PRKCI: variants seen among roughly 807,000 people sequenced by gnomAD.
PRKCI encodes the protein protein kinase C iota.
Under a neutral mutation model 84.0 loss-of-function variants are expected in PRKCI, and 43 were observed. The observed-to-expected ratio is 0.51, with a 90% CI of 0.40 to 0.66. The LOEUF is 0.66. PRKCI is among the 30% of genes least tolerant of loss of function. PRKCI has a pLI of 0.00. For missense variants in PRKCI, 459 were observed against 745.6 expected (o/e 0.62, Z 4.48); for synonymous variants, 216 against 234.4 (o/e 0.92, Z 0.72).
chr3:170,284,725 A>G, intron 12 of PRKCI, 129 bp downstream of exon 12: 1 of 1,122,988 alleles, frequency 8.9e-7, no homozygotes, highest in Admixed American at 3.2e-5. Context: ...GTGGAATTCT[A>G]GCACAAAGAC....
intron 8 of PRKCI, among the ~76,000 whole-genome samples, chr3:170,276,717 A>G (rs1034176987): frequency 1.3e-5 from 2 of 152,174 alleles, no homozygotes; most frequent in Non-Finnish European, 2.9e-5. Context: ...TCCTCTCGAC[A>G]TTGGCCCCGG....
chr3:170,244,973 A>G (rs1429012392), intron 2 of PRKCI: 2 of 152,230 alleles, frequency 1.3e-5, no homozygotes, highest in Non-Finnish European at 1.5e-5. Context: ...GGATCAGGGA[A>G]GGGAGATTAA....
chr3:170,244,050 C>T (rs1733208405), intron 2 of PRKCI, among the ~76,000 whole-genome samples: 1 of 152,178 alleles, frequency 6.6e-6, no homozygotes, highest in Non-Finnish European at 1.5e-5. Context: ...CCTGACAGTG[C>T]CTAAAACCCT....
rs1362249519 is a variant in PRKCI at position 170,275,257 on chromosome 3, G to A, written c.675G>A (p.Glu225=). The A allele has an allele frequency of 2.5e-6, 4 of 1,591,752 alleles. No homozygotes were observed. Among genetic ancestry groups the A allele is most frequent in the Non-Finnish European group, 3.4e-6 (4 of 1,171,752 alleles). The change falls in exon 8 of 18, where the codon GAG becomes GAA. Residue 225 remains glutamate (E), a synonymous_variant. Transcript: ENST00000295797. ...TVIPYNPSSH[E]SLDQVGEEKE... ...TTCCATATAATCCTTCAAGTCATGA[G>A]AGTTTGGATCAAGTTGGTGAAGAAA... is the stretch of plus-strand genomic sequence containing the variant.
rs549545461 is a variant in PRKCI, at chr3:170,269,301, T to C, written c.451-1120T>C. ...AAACTAATGCCATGTAATTAATTAA[T>C]GTAAATAGAAACCACCACCCGAAAT... On this transcript the variant is annotated intron_variant, in intron 5 of 17. Transcript: ENST00000295797. 3.3e-5 allele frequency among the ~76,000 whole-genome samples: 5 copies of C among 152,362 alleles called. No individual in the cohort carries two copies. In the South Asian group the frequency reaches 1.0e-3, roughly 32 times the overall value.
At chr3:170,259,676 C>G (rs1733674732) in intron 2 of PRKCI, among the ~76,000 whole-genome samples, 1 of 151,992 alleles carries the variant, frequency 6.6e-6, no homozygotes, top group Non-Finnish European at 1.5e-5. Context: ...TGTGGTGGCA[C>G]ACACCTGTAA....
intron 16 of PRKCI, 100 bp downstream of exon 16, chr3:170,297,493 C>CTA: frequency 6.1e-6 from 6 of 983,816 alleles, no homozygotes; most frequent in Non-Finnish European, 7.8e-6. Flanking sequence ...CTTGCTCTGT[C>CTA]ACCGAGGCTG....
chr3:170,222,515 A>G lies in PRKCI; in HGVS notation c.-155A>G, dbSNP rs975355715. The G allele has an allele frequency of 6.6e-6, 4 of 603,288 alleles. No homozygotes were observed. The highest frequency in any genetic ancestry group is 6.9e-5 in the East Asian group (2 of 28,886). The allele number at this position is 603,288 out of a possible 1,614,324, so 37.4% of individuals were successfully genotyped here. A position where few individuals can be genotyped will look rare whatever the true frequency, so the allele number is the denominator to read the frequency against. On this transcript the variant is annotated 5_prime_UTR_variant, in exon 1 of 18. Coordinates refer to ENST00000295797, the MANE Select transcript of PRKCI (RefSeq NM_002740.6). ...CCGCGCGGTTCCGGCTGCTCCGGCG[A>G]GGCGACCCTTGGGTCGGCGCTGCGG...
chr3:170,223,563 A>G (rs1489215595), intron 1 of PRKCI, among the ~76,000 whole-genome samples: 2 of 152,112 alleles, frequency 1.3e-5, no homozygotes, highest in African/African-American at 4.8e-5. Context: ...GTGTTAAATC[A>G]TTTTCTATCA....
At chr3:170,246,573 G>T (rs548725490) in intron 2 of PRKCI, among the ~76,000 whole-genome samples, 2 of 152,188 alleles carry the variant, frequency 1.3e-5, no homozygotes, top group African/African-American at 2.4e-5. Flanking sequence ...AGGATTACAG[G>T]CATGAGCCAC....
At chr3:170,225,824 T>C (rs1297638200) in intron 1 of PRKCI, among the ~76,000 whole-genome samples, 2 of 152,076 alleles carry the variant, frequency 1.3e-5, no homozygotes, top group East Asian at 3.8e-4. Context: ...AGTGTTATTA[T>C]TCTGTTAAGC....
At chr3:170,248,597 C>A (rs1224371070) in intron 2 of PRKCI, among the ~76,000 whole-genome samples, 2 of 152,110 alleles carry the variant, frequency 1.3e-5, no homozygotes, top group Non-Finnish European at 2.9e-5. Flanking sequence ...AAGCATTAAG[C>A]AGTTGGCCGA....
At chr3:170,275,177 T>C in intron 7 of PRKCI, 52 bp from the exon 8 acceptor site, 1 of 1,478,210 alleles carries the variant, frequency 6.8e-7, no homozygotes, top group Admixed American at 2.5e-5. Context: ...GCTGTTTTTT[T>C]CTCCTGCACC....
Position 170,297,645 on chromosome 3 carries a change from G to A in PRKCI, c.1587+252G>A, listed in dbSNP as rs141551898. Among the ~76,000 whole-genome samples the A allele has an allele frequency of 3.4e-3, 518 of 150,554 alleles. 3 individuals are homozygous for A. The highest frequency in any genetic ancestry group is 0.012 in the African/African-American group (499 of 41,062). ...TTTTGTATTTTTAGTAGAGATGGGG[G>A]GGGTTTCACAATGTCGGCCAGGCTG... is the stretch of plus-strand genomic sequence containing the variant. On this transcript the variant is annotated intron_variant, in intron 16 of 17. Coordinates refer to ENST00000295797, the MANE Select transcript of PRKCI (RefSeq NM_002740.6).
At chr3:170,234,755 A>G (rs974790497) in intron 1 of PRKCI, among the ~76,000 whole-genome samples, 1 of 152,168 alleles carries the variant, frequency 6.6e-6, no homozygotes, top group Non-Finnish European at 1.5e-5. Context: ...ATTTAAAACA[A>G]TATAATTATG....
chr3:170,286,017 C>T lies in PRKCI; in HGVS notation c.1203+1421C>T, dbSNP rs146741521. On this transcript the variant is annotated intron_variant, in intron 12 of 17. Coordinates refer to ENST00000295797, the MANE Select transcript of PRKCI (RefSeq NM_002740.6). Reference sequence around the variant, plus strand: ...TCGGCTCACTGCAACCTCCACCTCCCAGGTTCAAGCAATTCTCCTGCCTCA... The same window carrying T: ...TCGGCTCACTGCAACCTCCACCTCCTAGGTTCAAGCAATTCTCCTGCCTCA... 1.4e-3 allele frequency among the ~76,000 whole-genome samples: 210 copies of T among 151,916 alleles called. 1 individual carries two copies. The highest frequency in any genetic ancestry group is 4.9e-3 in the African/African-American group (204 of 41,432).
chr3:170,222,456 T>C lies in PRKCI; in HGVS notation c.-214T>C. 1 of 456,416 alleles carries C rather than the reference T, an allele frequency of 2.2e-6. No homozygotes were observed. The highest frequency in any genetic ancestry group is 3.8e-6 in the Non-Finnish European group (1 of 262,984). The allele number at this position is 456,416 out of a possible 1,614,324, so 28.3% of individuals were successfully genotyped here. A position where few individuals can be genotyped will look rare whatever the true frequency, so the allele number is the denominator to read the frequency against. Reference sequence around the variant, plus strand: ...GAGGTGTCTTGGGCCCGGGCGGCTGTAGAGGCGGCGGCGCCTACGGGCAGT... The same window carrying C: ...GAGGTGTCTTGGGCCCGGGCGGCTGCAGAGGCGGCGGCGCCTACGGGCAGT... On this transcript the variant is annotated 5_prime_UTR_variant, in exon 1 of 18. Coordinates refer to ENST00000295797, the MANE Select transcript of PRKCI (RefSeq NM_002740.6).
At chr3:170,293,232 C>A in intron 13 of PRKCI, 151 bp from the exon 14 acceptor site, 1 of 588,834 alleles carries the variant, frequency 1.7e-6, no homozygotes, top group South Asian at 3.3e-5. Flanking sequence ...TGAAGCATTT[C>A]TATAATCTTC....
chr3:170,297,466 T>C (rs946515092), intron 16 of PRKCI, 73 bp downstream of exon 16: 36 of 1,248,228 alleles, frequency 2.9e-5, no homozygotes, highest in Non-Finnish European at 3.8e-5. Context: ...GTTGTTCTGT[T>C]TGTTTTTAGA....
Sources: allele counts gnomAD v4.1 joint callset (sites outside exome capture counted in the v4.1 genomes callset), GRCh38; gene constraint gnomAD v4.1.1; transcripts MANE v1.5; gene names NCBI Gene and HGNC (gene_info 2026-07-23, HGNC 2026-07-21).